The following RASGRF2 variants were observed in gnomAD, a reference collection of about 807,000 sequenced individuals.
RASGRF2 encodes the protein ras-specific guanine nucleotide-releasing factor 2.
A neutral mutation model predicts 151.0 loss-of-function variants in RASGRF2; 76 were observed. That is an observed-to-expected ratio of 0.50 (90% CI 0.42 to 0.61). RASGRF2 has a LOEUF of 0.61. RASGRF2 is among the 20% of genes least tolerant of loss of function. The pLI is 0.00. For synonymous variants in RASGRF2, 504 were observed against 566.5 expected (o/e 0.89, Z 1.57); for missense variants, 1,148 against 1,564.6 (o/e 0.73, Z 4.49).
chr5:81,187,400 C>T (rs776527740), intron 18 of RASGRF2, among the ~76,000 whole-genome samples: 27 of 152,238 alleles, frequency 1.8e-4, no homozygotes, highest in Non-Finnish European at 3.5e-4. Context: ...CATAGGGAAA[C>T]AGACCCAGCT....
chr5:81,149,754 T>G (rs1447372778), intron 17 of RASGRF2, among the ~76,000 whole-genome samples: 1 of 152,202 alleles, frequency 6.6e-6, no homozygotes, highest in East Asian at 1.9e-4. Flanking sequence ...AACAGCTTTA[T>G]GCATATATAT....
intron 17 of RASGRF2, among the ~76,000 whole-genome samples, chr5:81,174,387 C>T (rs1365723424): frequency 1.3e-5 from 2 of 152,110 alleles, no homozygotes; most frequent in Non-Finnish European, 2.9e-5. Context: ...CATAGAAAAA[C>T]CACAAGATAG....
intron 1 of RASGRF2, among the ~76,000 whole-genome samples, chr5:81,006,867 A>G (rs1749286022): frequency 1.3e-5 from 2 of 152,190 alleles, no homozygotes; most frequent in African/African-American, 4.8e-5. Flanking sequence ...AAGTCCATCA[A>G]CACACTTTTA....
intron 1 of RASGRF2, among the ~76,000 whole-genome samples, chr5:81,036,346 T>C (rs750352430): frequency 6.6e-6 from 1 of 152,136 alleles, no homozygotes; most frequent in Non-Finnish European, 1.5e-5. Context: ...TATATAATTA[T>C]ATCAATAATT....
intron 1 of RASGRF2, among the ~76,000 whole-genome samples, chr5:80,977,414 G>GA (rs1444475420): frequency 6.6e-6 from 1 of 152,122 alleles, no homozygotes; most frequent in African/African-American, 2.4e-5. Flanking sequence ...AATCTTATGT[G>GA]AAAGGTGTTT....
intron 1 of RASGRF2, among the ~76,000 whole-genome samples, chr5:81,040,562 C>T (rs1475152225): frequency 6.6e-6 from 1 of 152,006 alleles, no homozygotes; most frequent in African/African-American, 2.4e-5. Flanking sequence ...AGGTGGTAAC[C>T]CTTCATATGT....
At chr5:81,175,922 G>T (rs1754764679) in intron 17 of RASGRF2, among the ~76,000 whole-genome samples, 1 of 152,018 alleles carries the variant, frequency 6.6e-6, no homozygotes, top group South Asian at 2.1e-4. Context: ...AATGCCCTTG[G>T]GACAATTTAG....
intron 1 of RASGRF2, among the ~76,000 whole-genome samples, chr5:81,034,874 C>T (rs1442719547): frequency 6.6e-6 from 1 of 151,016 alleles, no homozygotes; most frequent in African/African-American, 2.4e-5. Flanking sequence ...GTGCAGTGCA[C>T]CAGCATGGCA....
chr5:81,160,862 C>A (rs1393988363), intron 17 of RASGRF2, among the ~76,000 whole-genome samples: 3 of 151,958 alleles, frequency 2.0e-5, no homozygotes, highest in Non-Finnish European at 4.4e-5. Flanking sequence ...CAGAACAAGA[C>A]CCTGTCCCTA....
intron 9 of RASGRF2, 39 bp downstream of exon 9, chr5:81,086,992 G>A: frequency 2.6e-6 from 4 of 1,532,346 alleles, no homozygotes; most frequent in Non-Finnish European, 3.6e-6. Flanking sequence ...CTGATGCGCT[G>A]TGCGGCTGTC....
Position 81,082,990 on chromosome 5 carries a change from C to T in RASGRF2, c.1161+2201C>T, listed in dbSNP as rs200477819. ...TCTGTCTTCTTCACTTGATGCCTCA[C>T]TCTTCATCCTTCTCTCTAGAAATAA... On this transcript the variant is annotated intron_variant, in intron 7 of 26. Transcript: ENST00000265080. Among the ~76,000 whole-genome samples, 7 of 152,342 alleles carry T rather than the reference C, an allele frequency of 4.6e-5. No homozygotes were observed. The East Asian group carries it at 1.2e-3, about 25-fold the overall frequency.
intron 1 of RASGRF2, among the ~76,000 whole-genome samples, chr5:81,018,330 G>A (rs1005931434): frequency 7.9e-5 from 12 of 152,150 alleles, no homozygotes; most frequent in East Asian, 1.9e-4. Flanking sequence ...GTTTTATGCC[G>A]ACCTTACTGT....
Position 81,114,548 on chromosome 5 carries a change from T to C in RASGRF2, c.2470+628T>C, listed in dbSNP as rs573863476. 3.3e-5 allele frequency among the ~76,000 whole-genome samples: 5 copies of C among 152,376 alleles called. No individual in the cohort carries two copies. In the East Asian group the frequency reaches 9.6e-4, roughly 29 times the overall value. On this transcript the variant is annotated intron_variant, in intron 15 of 26. Transcript: ENST00000265080. ...GTCATAGGGTTTCTGGCTTCAATTC[T>C]CTACTGACTTCCTGTCACACTTAGA...
chr5:81,067,924 C>A (rs990254730), intron 2 of RASGRF2, 108 bp from the exon 3 acceptor site: 4 of 970,736 alleles, frequency 4.1e-6, no homozygotes, highest in Non-Finnish European at 5.6e-6. Context: ...GATAGCTGAA[C>A]AAACAATGCT....
intron 17 of RASGRF2, among the ~76,000 whole-genome samples, chr5:81,143,096 G>A (rs34121): frequency 0.63 from 95,813 of 152,112 alleles, 30,443 homozygotes; most frequent in East Asian, 0.81. Context: ...AAAGACAAAA[G>A]CTATCTGAAC....
intron 1 of RASGRF2, among the ~76,000 whole-genome samples, chr5:81,000,563 A>G (rs1749046942): frequency 6.6e-6 from 1 of 152,220 alleles, no homozygotes; most frequent in South Asian, 2.1e-4. Context: ...TTTAAAAACA[A>G]TAATGTTAGT....
intron 5 of RASGRF2, among the ~76,000 whole-genome samples, chr5:81,077,628 CT>C (rs1751976625): frequency 6.6e-6 from 1 of 152,228 alleles, no homozygotes; most frequent in South Asian, 2.1e-4. Context: ...CCAAAGGAGC[CT>C]GGGGGTAGCC....
intron 1 of RASGRF2, among the ~76,000 whole-genome samples, chr5:80,976,010 A>G (rs776966323): frequency 2.0e-5 from 3 of 151,952 alleles, no homozygotes; most frequent in Non-Finnish European, 4.4e-5. Context: ...ACACCCGACT[A>G]ATTTTGTATT....
At chr5:80,990,233 A>G (rs200875862) in intron 1 of RASGRF2, among the ~76,000 whole-genome samples, 1 of 95,438 alleles carries the variant, frequency 1.0e-5, no homozygotes, top group African/African-American at 3.3e-5. Flanking sequence ...TTTTTTTTTT[A>G]TTTTCTTTTT....
Sources: allele counts gnomAD v4.1 joint callset (sites outside exome capture counted in the v4.1 genomes callset), GRCh38; gene constraint gnomAD v4.1.1; transcripts MANE v1.5; gene names NCBI Gene and HGNC (gene_info 2026-07-23, HGNC 2026-07-21).